Variants in MAP3K13 observed in about 807,000 individuals in gnomAD.
MAP3K13 encodes mitogen-activated protein kinase kinase kinase 13.
In MAP3K13, 52 loss-of-function variants were observed where a neutral mutation model predicts 104.0. The observed-to-expected ratio is 0.50, with a 90% CI of 0.40 to 0.63. The LOEUF (loss-of-function observed/expected upper bound fraction) is 0.63, where lower values mean the gene tolerates loss of function less well. MAP3K13 is among the 20% of genes least tolerant of loss of function. The pLI, the probability that MAP3K13 is intolerant of heterozygous loss-of-function variation, is 0.00. For synonymous variants in MAP3K13, 394 were observed against 442.2 expected (o/e 0.89, Z 1.37); for missense variants, 914 against 1,218.5 (o/e 0.75, Z 3.72).
intron 7 of MAP3K13, among the ~76,000 whole-genome samples, chr3:185,463,250 T>G (rs1198105992): frequency 1.3e-5 from 2 of 152,200 alleles, no homozygotes; most frequent in African/African-American, 4.8e-5. Context: ...TGAACTCTTT[T>G]ATTCCAAAAG....
chr3:185,372,816 A>G (rs1048420962), intron 1 of MAP3K13, among the ~76,000 whole-genome samples: 4 of 152,192 alleles, frequency 2.6e-5, no homozygotes, highest in African/African-American at 9.7e-5. Context: ...GTAAAGAGAG[A>G]TGATAAGATA....
At chr3:185,417,499 G>A (rs1234231151) in intron 1 of MAP3K13, 9 of 1,592,538 alleles carry the variant, frequency 5.7e-6, no homozygotes, top group African/African-American at 1.4e-5. Context: ...AAGAGTTTAT[G>A]CAGCAGGCTT....
intron 2 of MAP3K13, among the ~76,000 whole-genome samples, chr3:185,311,234 T>C (rs1384602141): frequency 6.6e-6 from 1 of 152,180 alleles, no homozygotes; most frequent in Non-Finnish European, 1.5e-5. Flanking sequence ...AGAGGTTTAA[T>C]TGGACTTACA....
chr3:185,325,438 C>T (rs1428851758), intron 2 of MAP3K13, among the ~76,000 whole-genome samples: 1 of 152,164 alleles, frequency 6.6e-6, no homozygotes, highest in Non-Finnish European at 1.5e-5. Context: ...GACATGGGTT[C>T]TTTCTGAGGG....
chr3:185,417,581 T>G, intron 1 of MAP3K13: 1 of 1,607,122 alleles, frequency 6.2e-7, no homozygotes, highest in Non-Finnish European at 8.5e-7. Context: ...GCTGCTGCCT[T>G]TTTTCCCACC....
chr3:185,416,588 C>T lies in MAP3K13; in HGVS notation c.-85-11909C>T, dbSNP rs370997217. ...ATATTGCTCTCAATATGATGAAGTA[C>T]ATCTGAATACAGACTGGACAAGAAA... On this transcript the variant is annotated intron_variant, in intron 1 of 13. Coordinates refer to ENST00000265026, the MANE Select transcript of MAP3K13 (RefSeq NM_004721.5). 3.8e-4 allele frequency among the ~76,000 whole-genome samples: 58 copies of T among 152,096 alleles called. 2 individuals carry two copies. The South Asian group carries it at 0.011, about 29-fold the overall frequency.
rs770631849 is a variant in MAP3K13, at chr3:185,443,514, G to A, written c.729G>A (p.Glu243=). The A allele has an allele frequency of 4.3e-6, 7 of 1,614,102 alleles. No homozygotes were observed. The highest frequency in any genetic ancestry group is 5.9e-6 in the Non-Finnish European group (7 of 1,180,000). The change falls in exon 4 of 14, where the codon GAG becomes GAA. Residue 243 remains glutamate (E), a synonymous_variant. Transcript: ENST00000265026. ...ACTGTGCCCATGGACAACTCTACGA[G>A]GTCTTACGAGCTGGCAGGAAGATCA... The part of the protein sequence containing the change: ...MEYCAHGQLY[E]VLRAGRKITP...
At chr3:185,461,584 T>G (rs991582773) in intron 7 of MAP3K13, among the ~76,000 whole-genome samples, 1 of 152,096 alleles carries the variant, frequency 6.6e-6, no homozygotes, top group African/African-American at 2.4e-5. Context: ...TTTTCTGAGA[T>G]GGAGTTTCGC....
At chr3:185,320,824 A>G (rs1466560759) in intron 2 of MAP3K13, among the ~76,000 whole-genome samples, 1 of 8,924 alleles carries the variant, frequency 1.1e-4, no homozygotes, top group African/African-American at 2.0e-4. Flanking sequence ...CAGAGATTAA[A>G]CTGCAATTTA....
intron 2 of MAP3K13, among the ~76,000 whole-genome samples, chr3:185,307,490 T>G (rs1721324113): frequency 6.6e-6 from 1 of 151,696 alleles, no homozygotes; most frequent in South Asian, 2.1e-4. Context: ...TTAGTGTAAT[T>G]TTTAATTCAG....
intron 7 of MAP3K13, among the ~76,000 whole-genome samples, chr3:185,462,243 G>A (rs1717149368): frequency 6.6e-6 from 1 of 152,132 alleles, no homozygotes; most frequent in African/African-American, 2.4e-5. Flanking sequence ...CCATATTCCA[G>A]TAGTGGTTTT....
At chr3:185,414,806 C>A (rs1713650719) in intron 1 of MAP3K13, among the ~76,000 whole-genome samples, 1 of 152,186 alleles carries the variant, frequency 6.6e-6, no homozygotes, top group South Asian at 2.1e-4. Flanking sequence ...ATTTTACTGT[C>A]CAACTAAACA....
At chr3:185,440,745 A>T (rs1715278686) in intron 3 of MAP3K13, among the ~76,000 whole-genome samples, 1 of 152,150 alleles carries the variant, frequency 6.6e-6, no homozygotes, top group South Asian at 2.1e-4. Flanking sequence ...ATGACCTCAA[A>T]ATTCTTTCAT....
chr3:185,439,232 A>C (rs1483407531), intron 3 of MAP3K13, among the ~76,000 whole-genome samples: 2 of 152,148 alleles, frequency 1.3e-5, no homozygotes, highest in African/African-American at 4.8e-5. Flanking sequence ...ACTTGGATTC[A>C]TTTCCTTGGG....
intron 2 of MAP3K13, among the ~76,000 whole-genome samples, chr3:185,317,980 G>A (rs1212608682): frequency 3.3e-5 from 5 of 150,772 alleles, no homozygotes; most frequent in Non-Finnish European, 5.9e-5. Flanking sequence ...AAAAAAAAGC[G>A]AAGGAAAAAA....
intron 2 of MAP3K13, among the ~76,000 whole-genome samples, chr3:185,295,347 G>A (rs1720883799): frequency 6.6e-6 from 1 of 152,106 alleles, no homozygotes; most frequent in African/African-American, 2.4e-5. Flanking sequence ...TGGGATTATA[G>A]GCGCCCGCCA....
intron 2 of MAP3K13, among the ~76,000 whole-genome samples, chr3:185,288,542 A>G (rs57696046): frequency 0.42 from 50,607 of 121,290 alleles, 9,918 homozygotes; most frequent in Middle Eastern, 0.54. Context: ...GTTTGTGTGT[A>G]TATATATATT....
At chr3:185,440,515 C>A (rs1056112663) in intron 3 of MAP3K13, among the ~76,000 whole-genome samples, 10 of 152,156 alleles carry the variant, frequency 6.6e-5, no homozygotes, top group Middle Eastern at 3.4e-3. Flanking sequence ...GTTCACCAAG[C>A]TTTCCTAAGA....
chr3:185,366,073 C>T (rs1042156481), intron 1 of MAP3K13, among the ~76,000 whole-genome samples: 6 of 150,598 alleles, frequency 4.0e-5, no homozygotes, highest in Non-Finnish European at 5.9e-5. Flanking sequence ...CAAAAAGAAA[C>T]CACATACCCA....
Sources: gnomAD v4.1 joint callset for allele counts (sites outside exome capture counted in the v4.1 genomes callset) on GRCh38, gnomAD v4.1.1 for gene constraint, MANE v1.5 for transcripts, NCBI Gene and HGNC (gene_info 2026-07-23, HGNC 2026-07-21) for gene names.